Variants in CREB5 observed in about 807,000 individuals in gnomAD.
CREB5 encodes cyclic AMP-responsive element-binding protein 5.
CREB5 carries 19 observed loss-of-function variants against 57.1 expected under a neutral mutation model. The ratio of observed to expected loss-of-function variants is 0.33; its 90% CI spans 0.23 to 0.49. CREB5 has a LOEUF of 0.49. Ranked by LOEUF, CREB5 falls within the 20% of genes least tolerant of loss-of-function variation. The pLI is 0.99. For missense variants in CREB5, 579 were observed against 671.6 expected (o/e 0.86, Z 1.52); for synonymous variants, 238 against 238.3 (o/e 1.00, Z 0.01).
At chr7:28,319,170 A>T (rs560863385) in intron 1 of CREB5, among the ~76,000 whole-genome samples, 2 of 152,158 alleles carry the variant, frequency 1.3e-5, no homozygotes, top group Non-Finnish European at 2.9e-5. Flanking sequence ...CAGTGGAGGG[A>T]AAGGAAGAAA....
intron 1 of CREB5, among the ~76,000 whole-genome samples, chr7:28,448,193 C>CGAACATCAGACTCCAAGTT (rs1789586881): frequency 6.6e-6 from 1 of 152,312 alleles, no homozygotes; most frequent in Admixed American, 6.5e-5. Context: ...TTTCTGCCCT[C>CGAACATCAGACTCCAAGTT]GAACATCAGA....
chr7:28,612,543 GGTGTGT>G (rs59074697), intron 5 of CREB5, among the ~76,000 whole-genome samples: 19,144 of 137,250 alleles, frequency 0.14, 1,301 homozygotes, highest in South Asian at 0.28. Flanking sequence ...TTAGAGAAGG[GGTGTGT>G]GTGTGTGTGT....
At chr7:28,486,329 T>A (rs1193536839) in intron 1 of CREB5, among the ~76,000 whole-genome samples, 1 of 152,044 alleles carries the variant, frequency 6.6e-6, no homozygotes, top group African/African-American at 2.4e-5. Flanking sequence ...TGTGACAATA[T>A]ACAAAGTACA....
intron 4 of CREB5, among the ~76,000 whole-genome samples, chr7:28,519,768 C>T (rs1201070682): frequency 6.6e-6 from 1 of 152,232 alleles, no homozygotes; most frequent in Admixed American, 6.5e-5. Context: ...GGAAAAACAT[C>T]TGTTAATAAC....
intron 6 of CREB5, among the ~76,000 whole-genome samples, chr7:28,721,320 G>A (rs915893907): frequency 1.6e-4 from 25 of 152,214 alleles, no homozygotes; most frequent in African/African-American, 6.0e-4. Flanking sequence ...GCCTCAGGTT[G>A]AGAAGCCCTG....
chr7:28,497,222 C>T (rs1199882633), intron 3 of CREB5, among the ~76,000 whole-genome samples: 3 of 152,296 alleles, frequency 2.0e-5, no homozygotes, highest in African/African-American at 7.2e-5. Context: ...CTCTAAGGAG[C>T]CCCATCTGAA....
intron 5 of CREB5, among the ~76,000 whole-genome samples, chr7:28,676,488 A>G (rs755099522): frequency 2.0e-5 from 3 of 152,144 alleles, no homozygotes; most frequent in African/African-American, 7.2e-5. Context: ...CGCGATCCTC[A>G]TTCTCCTTCC....
chr7:28,387,612 A>G (rs1437635007), intron 1 of CREB5, among the ~76,000 whole-genome samples: 1 of 152,084 alleles, frequency 6.6e-6, no homozygotes, highest in African/African-American at 2.4e-5. Flanking sequence ...TGAAAGAGCA[A>G]CACACGCTGG....
chr7:28,629,635 C>A (rs1210734635), intron 5 of CREB5, among the ~76,000 whole-genome samples: 1 of 152,208 alleles, frequency 6.6e-6, no homozygotes, highest in Non-Finnish European at 1.5e-5. Context: ...CCACAACATT[C>A]TCCTGGGATG....
chr7:28,686,913 G>C (rs775195290), intron 5 of CREB5, among the ~76,000 whole-genome samples: 1 of 148,282 alleles, frequency 6.7e-6, no homozygotes, highest in South Asian at 2.1e-4. Context: ...CTCTCTCTCT[G>C]TTTTTTAAAT....
intron 5 of CREB5, among the ~76,000 whole-genome samples, chr7:28,581,576 C>G (rs1796126700): frequency 6.6e-6 from 1 of 152,192 alleles, no homozygotes; most frequent in Non-Finnish European, 1.5e-5. Context: ...CCCTTTACCT[C>G]TTCCTCCCAT....
At chr7:28,386,893 C>T (rs2127997041) in intron 1 of CREB5, among the ~76,000 whole-genome samples, 1 of 152,282 alleles carries the variant, frequency 6.6e-6, no homozygotes, top group African/African-American at 2.4e-5. Context: ...CATGTCCCTG[C>T]AAAGGAGATG....
chr7:28,556,417 G>A (rs1794880090), intron 4 of CREB5, among the ~76,000 whole-genome samples: 1 of 152,072 alleles, frequency 6.6e-6, no homozygotes. Context: ...GGTTACTTGG[G>A]CACACCATGG....
chr7:28,486,056 G>T (rs1269714350), intron 1 of CREB5, among the ~76,000 whole-genome samples: 1 of 152,156 alleles, frequency 6.6e-6, no homozygotes, highest in African/African-American at 2.4e-5. Context: ...ATACAGGAAA[G>T]CTATAAAATT....
intron 7 of CREB5, among the ~76,000 whole-genome samples, chr7:28,725,742 A>G (rs1011246947): frequency 3.3e-5 from 5 of 151,962 alleles, no homozygotes; most frequent in Admixed American, 2.6e-4. Context: ...TAAGTTCTTC[A>G]TGTATATGAA....
At chr7:28,496,514 T>G (rs1037573521) in intron 3 of CREB5, among the ~76,000 whole-genome samples, 2 of 152,120 alleles carry the variant, frequency 1.3e-5, no homozygotes, top group African/African-American at 4.8e-5. Flanking sequence ...AGGGCACAGG[T>G]GATGGAGCTT....
intron 4 of CREB5, among the ~76,000 whole-genome samples, chr7:28,515,772 G>A (rs911116915): frequency 8.5e-5 from 13 of 152,056 alleles, no homozygotes; most frequent in African/African-American, 2.4e-4. Context: ...TTATTGCTGC[G>A]AATTCTAAGA....
intron 5 of CREB5, among the ~76,000 whole-genome samples, chr7:28,642,958 AC>A (rs1798718714): frequency 1.2e-5 from 1 of 85,382 alleles, no homozygotes; most frequent in Non-Finnish European, 2.4e-5. Flanking sequence ...ATTTACACAC[AC>A]ACACACACAC....
At chr7:28,720,791 G>A (rs888319573) in intron 6 of CREB5, among the ~76,000 whole-genome samples, 17 of 152,036 alleles carry the variant, frequency 1.1e-4, no homozygotes, top group African/African-American at 4.1e-4. Context: ...ACCACAAGCT[G>A]TCTTCTTTTA....
Sources: allele counts gnomAD v4.1 joint callset (sites outside exome capture counted in the v4.1 genomes callset), GRCh38; gene constraint gnomAD v4.1.1; transcripts MANE v1.5; gene names NCBI Gene and HGNC (gene_info 2026-07-23, HGNC 2026-07-21).